Variants in ERLIN1 observed in about 807,000 individuals in gnomAD.
The protein encoded by ERLIN1 is ER lipid raft associated 1.
A neutral mutation model predicts 46.9 loss-of-function variants in ERLIN1; 24 were observed. That is an observed-to-expected ratio of 0.51 (90% CI 0.37 to 0.72). The LOEUF (loss-of-function observed/expected upper bound fraction) is 0.72, where lower values mean the gene tolerates loss of function less well. Among genes scored for constraint, ERLIN1 ranks in the 30% least tolerant of loss-of-function variants. The pLI is 0.00. For missense variants in ERLIN1, 293 were observed against 417.9 expected, an observed-to-expected ratio of 0.70 and a Z score of 2.61; for synonymous variants, 158 against 143.2, an observed-to-expected ratio of 1.10 and a Z score of -0.74.
At chr10:100,174,420 C>T in intron 5 of ERLIN1, 139 bp from the exon 6 acceptor site, 3 of 605,950 alleles carry the variant, frequency 5.0e-6, no homozygotes, top group Non-Finnish European at 8.6e-6. Flanking sequence ...ACTGCCTTTT[C>T]TTCCCTTTTG....
chr10:100,175,589 G>A (rs938299888), intron 5 of ERLIN1, among the ~76,000 whole-genome samples: 2 of 152,158 alleles, frequency 1.3e-5, no homozygotes, highest in Non-Finnish European at 2.9e-5. Context: ...AATCTTAGCT[G>A]TGAACACAAC....
chr10:100,166,993 G>A (rs1413674014), intron 7 of ERLIN1, among the ~76,000 whole-genome samples: 1 of 152,122 alleles, frequency 6.6e-6, no homozygotes, highest in African/African-American at 2.4e-5. Context: ...AACAAAATAT[G>A]AGCACTCTCT....
intron 10 of ERLIN1, among the ~76,000 whole-genome samples, chr10:100,152,854 C>T (rs1437589135): frequency 1.3e-5 from 2 of 152,160 alleles, no homozygotes; most frequent in South Asian, 4.2e-4. Context: ...CTGCACCCAG[C>T]CTTTTTTTTT....
chr10:100,177,035 T>C (rs866763205), intron 4 of ERLIN1, among the ~76,000 whole-genome samples: 27 of 151,990 alleles, frequency 1.8e-4, no homozygotes, highest in African/African-American at 5.6e-4. Context: ...GGCAGGAGAA[T>C]TGCATGAACC....
At chr10:100,180,639 C>T (rs1844584397) in intron 2 of ERLIN1, among the ~76,000 whole-genome samples, 1 of 152,052 alleles carries the variant, frequency 6.6e-6, no homozygotes, top group Non-Finnish European at 1.5e-5. Flanking sequence ...TTGCCTGGAG[C>T]AGAAGGGACA....
chr10:100,151,954 TTG>T lies in ERLIN1; in HGVS notation c.*175_*176del, dbSNP rs752325546. On this transcript the variant is annotated 3_prime_UTR_variant, in exon 11 of 11. Transcript: ENST00000421367. ...ATAAGACTGTGGCTGAAAAGACCAT[TTG>T]TGTGTCAGACAGCTGGCTCTATCCT... 17 of 669,408 alleles carry T rather than the reference TTG, an allele frequency of 2.5e-5. No individual in the cohort carries two copies. The highest frequency in any genetic ancestry group is 4.6e-5 in the Non-Finnish European group (17 of 366,410). 41.5% of individuals were successfully genotyped at this position (669,408 alleles called of 1,614,324 possible).
At chr10:100,171,962 G>A (rs774156453) in intron 6 of ERLIN1, among the ~76,000 whole-genome samples, 1 of 152,110 alleles carries the variant, frequency 6.6e-6, no homozygotes, top group Non-Finnish European at 1.5e-5. Context: ...CTAATGAGGG[G>A]GGGAGCTGCT....
intron 10 of ERLIN1, among the ~76,000 whole-genome samples, chr10:100,152,990 G>C (rs971014811): frequency 9.2e-5 from 14 of 152,196 alleles, no homozygotes; most frequent in African/African-American, 3.4e-4. Flanking sequence ...GGAGGCTACA[G>C]GAATGAGCCA....
At chr10:100,153,695 T>A (rs1170163040) in intron 10 of ERLIN1, among the ~76,000 whole-genome samples, 1 of 152,250 alleles carries the variant, frequency 6.6e-6, no homozygotes, top group African/African-American at 2.4e-5. Flanking sequence ...TAGGTTAGTA[T>A]CTGAGTCACA....
chr10:100,163,938 G>A, intron 8 of ERLIN1, 66 bp downstream of exon 8: 1 of 1,066,250 alleles, frequency 9.4e-7, no homozygotes. Context: ...TACCCAAAAT[G>A]AGACTGACAA....
At chr10:100,178,253 G>A in intron 3 of ERLIN1, 59 bp from the exon 4 acceptor site, 1 of 1,063,314 alleles carries the variant, frequency 9.4e-7, no homozygotes, top group Non-Finnish European at 1.4e-6. Context: ...CACAGTTATA[G>A]ATAGACCTGG....
intron 6 of ERLIN1, among the ~76,000 whole-genome samples, chr10:100,171,320 A>G (rs1843980891): frequency 6.6e-6 from 1 of 152,220 alleles, no homozygotes; most frequent in African/African-American, 2.4e-5. Flanking sequence ...AGCTACAATA[A>G]CTAACATATG....
chr10:100,172,984 A>G (rs138111231), intron 6 of ERLIN1, among the ~76,000 whole-genome samples: 188 of 152,338 alleles, frequency 1.2e-3, no homozygotes, highest in Non-Finnish European at 1.9e-3. Context: ...TGAACAACTC[A>G]GAGGATTTTA....
intron 1 of ERLIN1, 72 bp downstream of exon 1, chr10:100,185,442 C>T: frequency 8.2e-7 from 1 of 1,220,094 alleles, no homozygotes; most frequent in Non-Finnish European, 1.2e-6. Flanking sequence ...GAGGGAACAA[C>T]TTCCCAGACT....
intron 2 of ERLIN1, among the ~76,000 whole-genome samples, chr10:100,180,630 T>C (rs1487957848): frequency 6.6e-6 from 1 of 152,162 alleles, no homozygotes; most frequent in African/African-American, 2.4e-5. Flanking sequence ...TAGATAGGCT[T>C]GCCTGGAGCA....
chr10:100,171,071 A>G (rs1231110912), intron 6 of ERLIN1, among the ~76,000 whole-genome samples: 2 of 152,228 alleles, frequency 1.3e-5, no homozygotes, highest in African/African-American at 4.8e-5. Context: ...AAAAGATTTA[A>G]ATCTAAGAAT....
intron 8 of ERLIN1, among the ~76,000 whole-genome samples, chr10:100,157,349 G>A (rs1440066784): frequency 1.3e-5 from 2 of 152,328 alleles, no homozygotes; most frequent in East Asian, 1.9e-4. Flanking sequence ...GGTGTGGCAA[G>A]CAAGTACATG....
intron 6 of ERLIN1, among the ~76,000 whole-genome samples, chr10:100,173,523 C>A (rs1035800129): frequency 6.6e-6 from 1 of 152,068 alleles, no homozygotes; most frequent in Non-Finnish European, 1.5e-5. Flanking sequence ...GTTGATTTTA[C>A]AACCCACAAT....
intron 6 of ERLIN1, among the ~76,000 whole-genome samples, chr10:100,171,936 C>T (rs980945434): frequency 2.0e-5 from 3 of 152,152 alleles, no homozygotes; most frequent in Admixed American, 2.0e-4. Context: ...GTAAGAACTA[C>T]AGCTTACCAA....
Sources: allele counts gnomAD v4.1 joint callset (sites outside exome capture counted in the v4.1 genomes callset), GRCh38; gene constraint gnomAD v4.1.1; transcripts MANE v1.5; gene names NCBI Gene and HGNC (gene_info 2026-07-23, HGNC 2026-07-21).